The following LGR5 variants were observed in gnomAD, a reference collection of about 807,000 sequenced individuals.
LGR5 encodes the protein leucine-rich repeat-containing G protein-coupled receptor 5.
In LGR5, 54 loss-of-function variants were observed where a neutral mutation model predicts 76.7. The observed-to-expected ratio is 0.70, with a 90% CI of 0.57 to 0.88. The LOEUF is 0.88. Among genes scored for constraint, LGR5 ranks in the 40% least tolerant of loss-of-function variants. The pLI is 0.00. For synonymous variants in LGR5, 406 were observed against 421.9 expected, an observed-to-expected ratio of 0.96 and a Z score of 0.46; for missense variants, 1,078 against 1,073.3, an observed-to-expected ratio of 1.00 and a Z score of -0.06.
In LGR5 at chr12:71,566,489, TC is replaced by T. The variant is rs1485270530; in HGVS notation, c.929+15del. The T allele has an allele frequency of 3.8e-6, 6 of 1,581,240 alleles. No individual in the cohort carries two copies. Among genetic ancestry groups the T allele is most frequent in the Non-Finnish European group, 5.2e-6 (6 of 1,150,774 alleles). On this transcript the variant is annotated intron_variant, in intron 9 of 17. Transcript: ENST00000266674. Reference sequence around the variant, plus strand: ...ACTAAGAACACTGTAAGTTTCTATGTCTCTTATGGATCACTTTCCCTCTACA... The same window carrying T: ...ACTAAGAACACTGTAAGTTTCTATGTTCTTATGGATCACTTTCCCTCTACA...
chr12:71,491,497 A>G (rs79951860), intron 1 of LGR5, among the ~76,000 whole-genome samples: 3,459 of 152,136 alleles, frequency 0.023, 150 homozygotes, highest in African/African-American at 0.079. Context: ...TGGAGGCTTT[A>G]TGTCCCTTGT....
intron 4 of LGR5, among the ~76,000 whole-genome samples, chr12:71,545,679 T>C (rs1292577031): frequency 6.6e-6 from 1 of 152,124 alleles, no homozygotes; most frequent in Admixed American, 6.5e-5. Context: ...CAATGGCTTA[T>C]CTTTTGACTA....
At chr12:71,507,074 T>C (rs968421603) in intron 2 of LGR5, among the ~76,000 whole-genome samples, 1 of 152,180 alleles carries the variant, frequency 6.6e-6, no homozygotes, top group Non-Finnish European at 1.5e-5. Flanking sequence ...CTGTTGAAAG[T>C]GCTTTACACA....
intron 3 of LGR5, among the ~76,000 whole-genome samples, chr12:71,532,024 A>G (rs530426112): frequency 6.6e-6 from 1 of 152,350 alleles, no homozygotes; most frequent in East Asian, 1.9e-4. Context: ...TTTTAGGGAA[A>G]TCATATTTTA....
chr12:71,462,614 C>T (rs530122771), intron 1 of LGR5, among the ~76,000 whole-genome samples: 3 of 152,102 alleles, frequency 2.0e-5, no homozygotes, highest in Non-Finnish European at 2.9e-5. Context: ...ATCGTCTCAC[C>T]CAATAGATGC....
At chr12:71,549,942 G>A (rs1195091708) in intron 4 of LGR5, among the ~76,000 whole-genome samples, 1 of 151,994 alleles carries the variant, frequency 6.6e-6, no homozygotes, top group African/African-American at 2.4e-5. Flanking sequence ...CTTTTTTCTG[G>A]GGGGAAAAGA....
At chr12:71,490,306 T>C (rs1565686375) in intron 1 of LGR5, among the ~76,000 whole-genome samples, 2 of 152,330 alleles carry the variant, frequency 1.3e-5, no homozygotes, top group East Asian at 1.9e-4. Flanking sequence ...GTATCTCCTT[T>C]GTATATTTTT....
chr12:71,561,692 T>C, intron 7 of LGR5, 89 bp from the exon 8 acceptor site: 2 of 634,290 alleles, frequency 3.2e-6, no homozygotes, highest in East Asian at 2.9e-5. Context: ...CTAAAGGTTC[T>C]GATTATTGCC....
At position 71,585,543 on chromosome 12, in the gene LGR5, A is replaced by T. The variant is rs1879285200; in HGVS notation, c.*809A>T. The T allele has an allele frequency of 1.3e-5, 2 of 152,232 alleles. No homozygotes were observed. Among genetic ancestry groups the T allele is most frequent in the Non-Finnish European group, 2.9e-5 (2 of 68,032 alleles). The allele number at this position is 152,232 out of a possible 1,614,324, so 9.4% of individuals were successfully genotyped here. A position where few individuals can be genotyped will look rare whatever the true frequency, so the allele number is the denominator to read the frequency against. ...GGGAATTCCACTGCCAGCAATGAACATACCTGGAAAAGAAAGTAAGCAATC... is the reference window on the plus strand; with the variant it reads ...GGGAATTCCACTGCCAGCAATGAACTTACCTGGAAAAGAAAGTAAGCAATC... On this transcript the variant is annotated 3_prime_UTR_variant, in exon 18 of 18. Coordinates refer to ENST00000266674, the MANE Select transcript of LGR5 (RefSeq NM_003667.4).
chr12:71,584,099 G>T lies in LGR5; in HGVS notation c.2089G>T (p.Ala697Ser), dbSNP rs746623222. ...LCALLALTMA[A>S]VPLLGGSKYG... Reference sequence around the variant, plus strand: ...TGCCCTGCTGGCCTTGACCATGGCCGCAGTTCCCCTGCTGGGTGGCAGCAA... The same window carrying T: ...TGCCCTGCTGGCCTTGACCATGGCCTCAGTTCCCCTGCTGGGTGGCAGCAA... The change falls in exon 18 of 18, where the codon GCA becomes TCA. Residue 697 changes from alanine to serine, a missense_variant. Coordinates refer to ENST00000266674, the MANE Select transcript of LGR5 (RefSeq NM_003667.4). 1 of 1,614,198 alleles carries T rather than the reference G, an allele frequency of 6.2e-7. No homozygotes were observed. The highest frequency in any genetic ancestry group is 8.5e-7 in the Non-Finnish European group (1 of 1,180,028).
intron 7 of LGR5, among the ~76,000 whole-genome samples, chr12:71,560,764 G>GAAT (rs1201584909): frequency 6.6e-6 from 1 of 152,222 alleles, no homozygotes; most frequent in Non-Finnish European, 1.5e-5. Flanking sequence ...CTGCACTCCA[G>GAAT]CCTGGGAGAC....
chr12:71,576,131 A>C (rs1175114653), intron 13 of LGR5, among the ~76,000 whole-genome samples: 1 of 152,208 alleles, frequency 6.6e-6, no homozygotes, highest in African/African-American at 2.4e-5. Context: ...TAGTTAATGC[A>C]TGCAGGGCTT....
At chr12:71,560,057 T>A (rs1167505726) in intron 7 of LGR5, among the ~76,000 whole-genome samples, 1 of 152,168 alleles carries the variant, frequency 6.6e-6, no homozygotes, top group Non-Finnish European at 1.5e-5. Context: ...AATAAATGAA[T>A]CAAACTGTCT....
chr12:71,524,392 A>T lies in LGR5; in HGVS notation c.285-14A>T, dbSNP rs746844576. 1.2e-6 allele frequency: 2 copies of T among 1,605,402 alleles called. No individual in the cohort carries two copies. The highest frequency in any genetic ancestry group is 2.2e-5 in the South Asian group (2 of 90,678). ...GGTATGCTCACTCTCTCTCCTCTCC[A>T]TTGAAACCCACAGACGTCTTGCGGG... On this transcript the variant is annotated splice_polypyrimidine_tract_variant and intron_variant, in intron 2 of 17. Transcript: ENST00000266674.
At chr12:71,552,963 C>A in intron 4 of LGR5, 110 bp from the exon 5 acceptor site, 1 of 914,400 alleles carries the variant, frequency 1.1e-6, no homozygotes. Context: ...TCGGGGACCC[C>A]AGGCCCTGTT....
intron 2 of LGR5, among the ~76,000 whole-genome samples, chr12:71,515,198 C>A (rs1460679878): frequency 1.3e-5 from 2 of 152,180 alleles, no homozygotes; most frequent in African/African-American, 2.4e-5. Flanking sequence ...ATACTTGGCT[C>A]CTGTATTGAT....
At position 71,442,536 on chromosome 12, in the gene LGR5, T is replaced by G. The variant is rs114959798; in HGVS notation, c.212+2244T>G. On this transcript the variant is annotated intron_variant, in intron 1 of 17. Transcript: ENST00000266674. ...ATACAGTAAATGTTAAATACTTATT[T>G]CTAATGCAACACAGTTCAGGGAATA... Among the ~76,000 whole-genome samples the G allele has an allele frequency of 1.8e-3, 267 of 152,326 alleles. 2 individuals are homozygous for G. Among genetic ancestry groups the G allele is most frequent in the African/African-American group, 6.2e-3 (258 of 41,570 alleles).
chr12:71,584,782 T>G lies in LGR5; in HGVS notation c.*48T>G, dbSNP rs1879254641. ...TTCAAAGGTTGAGAACCTGAAAATGTGAGATTGAGTATATCAGAGCAGTAA... is the reference window on the plus strand; with the variant it reads ...TTCAAAGGTTGAGAACCTGAAAATGGGAGATTGAGTATATCAGAGCAGTAA... On this transcript the variant is annotated 3_prime_UTR_variant, in exon 18 of 18. Coordinates refer to ENST00000266674, the MANE Select transcript of LGR5 (RefSeq NM_003667.4). 1.3e-6 allele frequency: 2 copies of G among 1,555,672 alleles called. No individual in the cohort carries two copies. Among genetic ancestry groups the G allele is most frequent in the Non-Finnish European group, 1.8e-6 (2 of 1,142,220 alleles).
intron 3 of LGR5, among the ~76,000 whole-genome samples, chr12:71,532,078 C>T (rs1172417268): frequency 6.6e-6 from 1 of 152,216 alleles, no homozygotes; most frequent in African/African-American, 2.4e-5. Context: ...CAATGCAATA[C>T]ATACCTTGTA....
Sources: gnomAD v4.1 joint callset for allele counts (sites outside exome capture counted in the v4.1 genomes callset) on GRCh38, gnomAD v4.1.1 for gene constraint, MANE v1.5 for transcripts, NCBI Gene and HGNC (gene_info 2026-07-23, HGNC 2026-07-21) for gene names.